The following PCTP variants were observed in gnomAD, a reference collection of about 807,000 sequenced individuals.
The protein encoded by PCTP is phosphatidylcholine transfer protein, also known as START domain-containing protein 2.
In PCTP, 27 loss-of-function variants were observed where a neutral mutation model predicts 31.0. That is an observed-to-expected ratio of 0.87 (90% confidence interval 0.64 to 1.20). The LOEUF is 1.20. Among genes scored for constraint, PCTP ranks in the 50% most tolerant of loss-of-function variants. The probability of loss-of-function intolerance (pLI) is 0.00; values close to 1 mark genes in which losing one functional copy is unlikely to be tolerated. For missense variants in PCTP, 287 were observed against 268.2 expected, an observed-to-expected ratio of 1.07 and a Z score of -0.49; for synonymous variants, 108 against 101.2, an observed-to-expected ratio of 1.07 and a Z score of -0.40.
At chr17:55,775,987 A>C in intron 5 of PCTP, 48 bp from the exon 6 acceptor site, 1 of 1,609,288 alleles carries the variant, frequency 6.2e-7, no homozygotes, top group Non-Finnish European at 8.5e-7. Flanking sequence ...AAGAATCAAG[A>C]GTGACCACTG....
rs1455015701 is a variant in PCTP, at chr17:55,751,097, C to T, written c.-7C>T. 5.9e-6 allele frequency: 9 copies of T among 1,531,262 alleles called. No homozygotes were observed. Among genetic ancestry groups the T allele is most frequent in the African/African-American group, 1.4e-5 (1 of 72,172 alleles). 94.9% of individuals were successfully genotyped at this position (1,531,262 alleles called of 1,614,324 possible). Reference sequence around the variant, plus strand: ...CCTCCAGGCGGAGGAGCCCGGACTGCGGAAGGATGGAGCTGGCCGCCGGAA... The same window carrying T: ...CCTCCAGGCGGAGGAGCCCGGACTGTGGAAGGATGGAGCTGGCCGCCGGAA... On this transcript the variant is annotated 5_prime_UTR_variant, in exon 1 of 6. Coordinates refer to ENST00000268896, the MANE Select transcript of PCTP (RefSeq NM_021213.4).
chr17:55,845,518 C>T (rs1442871445), downstream of PCTP, among the ~76,000 whole-genome samples: 1 of 152,176 alleles, frequency 6.6e-6, no homozygotes, highest in Non-Finnish European at 1.5e-5. Flanking sequence ...CGAAGAGGGC[C>T]GCCTCGCCTC....
intron 1 of PCTP, among the ~76,000 whole-genome samples, chr17:55,756,222 T>C (rs1910010904): frequency 6.6e-6 from 1 of 152,220 alleles, no homozygotes; most frequent in African/African-American, 2.4e-5. Flanking sequence ...TGAATGAGCT[T>C]CTTGAACATG....
At chr17:55,783,104 C>T (rs1174211799) in intron 2 of PCTP, among the ~76,000 whole-genome samples, 1 of 152,140 alleles carries the variant, frequency 6.6e-6, no homozygotes, top group Non-Finnish European at 1.5e-5. Flanking sequence ...TTGTGTTCCA[C>T]CTAATTTTTA....
downstream of PCTP, among the ~76,000 whole-genome samples, chr17:55,845,324 A>C (rs1011030335): frequency 7.2e-5 from 11 of 151,782 alleles, no homozygotes; most frequent in African/African-American, 2.7e-4. Flanking sequence ...CTAATAATTA[A>C]TGTTTTGGTT....
At chr17:55,799,395 CTT>C (rs71137177) in intron 3 of PCTP, among the ~76,000 whole-genome samples, 10 of 140,512 alleles carry the variant, frequency 7.1e-5, no homozygotes, top group South Asian at 4.5e-4. Flanking sequence ...CTTTTTCTTT[CTT>C]TTTTTTTTTT....
chr17:55,822,211 TG>T lies in PCTP; in HGVS notation c.318-549del, dbSNP rs139533451. Among the ~76,000 whole-genome samples the T allele has an allele frequency of 3.4e-3, 518 of 152,340 alleles. 3 individuals carry two copies. Among genetic ancestry groups the T allele is most frequent in the African/African-American group, 0.012 (492 of 41,568 alleles). ...TAGTTCTCACCAAGGAACATTTGGA[TG>T]AGTTTTGGGAAAATGACTGTGAAGC... On this transcript the variant is annotated intron_variant, in intron 3 of 3. Coordinates refer to the PCTP transcript ENST00000572536.
intron 1 of PCTP, among the ~76,000 whole-genome samples, chr17:55,766,741 T>C (rs1388355139): frequency 6.6e-6 from 1 of 152,178 alleles, no homozygotes; most frequent in Admixed American, 6.5e-5. Context: ...TGTGTCTTTA[T>C]AGCAGCATGA....
rs1263793239 is a variant in PCTP, at chr17:55,767,308, A to G, written c.142-27A>G. On this transcript the variant is annotated intron_variant, in intron 1 of 5. Transcript: ENST00000268896. The stretch of plus-strand genomic sequence containing the variant: ...TTTCTCTCAACTTGGGAACCAATAG[A>G]CATTTCTACCTGTTCTGTTTTTATA... 3 of 1,408,804 alleles carry G rather than the reference A, an allele frequency of 2.1e-6. No homozygotes were observed. In the South Asian group the frequency reaches 3.6e-5, roughly 17 times the overall value. 87.3% of individuals were successfully genotyped at this position (1,408,804 alleles called of 1,614,324 possible).
Position 55,816,379 on chromosome 17 carries a change from T to C in PCTP, c.318-6382T>C, listed in dbSNP as rs1349015931. On this transcript the variant is annotated intron_variant, in intron 3 of 3. Transcript: ENST00000572536. The stretch of plus-strand genomic sequence containing the variant: ...TCATACAAATGGAATCAAGGCTCTC[T>C]TTAAGCATCCTACTATTCTTCTACA... Among the ~76,000 whole-genome samples, 3 of 152,356 alleles carry C rather than the reference T, an allele frequency of 2.0e-5. No homozygotes were observed. In the East Asian group the frequency reaches 5.8e-4, roughly 29 times the overall value.
In PCTP at chr17:55,777,266, A is replaced by T. The variant is rs142459599; in HGVS notation, c.*1166A>T. 11,364 of 985,532 alleles carry T rather than the reference A, an allele frequency of 0.012. 69 individuals are homozygous for T. The highest frequency in any genetic ancestry group is 0.018 in the South Asian group (385 of 21,284). 61.0% of individuals were successfully genotyped at this position (985,532 alleles called of 1,614,324 possible). A position where few individuals can be genotyped will look rare whatever the true frequency, so the allele number is the denominator to read the frequency against. ...CCTTGATTAATAACAGAAATTCAGGATGTAAAGCCACAGAATGGGATTTAT... is the reference window on the plus strand; with the variant it reads ...CCTTGATTAATAACAGAAATTCAGGTTGTAAAGCCACAGAATGGGATTTAT... On this transcript the variant is annotated 3_prime_UTR_variant, in exon 6 of 6. Coordinates refer to ENST00000268896, the MANE Select transcript of PCTP (RefSeq NM_021213.4).
intron 5 of PCTP, 68 bp from the exon 6 acceptor site, chr17:55,775,967 C>T (rs1911305833): frequency 4.4e-6 from 7 of 1,587,814 alleles, no homozygotes; most frequent in Non-Finnish European, 6.0e-6. Flanking sequence ...TTACCTTCTG[C>T]CACATCCCAA....
At chr17:55,809,157 G>GAAAA (rs1912669877) in intron 3 of PCTP, among the ~76,000 whole-genome samples, 1 of 152,068 alleles carries the variant, frequency 6.6e-6, no homozygotes. Flanking sequence ...ATTCTGACAT[G>GAAAA]AAAAAATAAT....
rs188387397 is a variant in PCTP at position 55,816,282 on chromosome 17, A to G, written c.318-6479A>G. Among the ~76,000 whole-genome samples the G allele has an allele frequency of 4.1e-4, 63 of 152,354 alleles. No individual in the cohort carries two copies. The Middle Eastern group carries it at 0.014, about 33-fold the overall frequency. On this transcript the variant is annotated intron_variant, in intron 3 of 3. Transcript: ENST00000572536. ...CCAATCCTCCTGTCTTCCCAGGTCT[A>G]GGAAACCACTAATGTAATTTTTGAC...
chr17:55,792,504 C>G (rs550310469), intron 3 of PCTP, among the ~76,000 whole-genome samples: 16 of 152,146 alleles, frequency 1.1e-4, no homozygotes, highest in African/African-American at 3.9e-4. Context: ...TCTCACATAA[C>G]TTACCATTAG....
chr17:55,774,952 A>G, intron 5 of PCTP, 93 bp downstream of exon 5: 2 of 1,353,656 alleles, frequency 1.5e-6, no homozygotes, highest in Non-Finnish European at 2.1e-6. Context: ...CTGAAGAGAC[A>G]CATTGTCTCA....
At chr17:55,791,866 T>C (rs1237258383) in intron 3 of PCTP, among the ~76,000 whole-genome samples, 3 of 152,122 alleles carry the variant, frequency 2.0e-5, no homozygotes, top group African/African-American at 4.8e-5. Flanking sequence ...CATATGTTTA[T>C]TGTGGCATTA....
At chr17:55,764,007 C>G (rs1006743660) in intron 1 of PCTP, among the ~76,000 whole-genome samples, 23 of 152,188 alleles carry the variant, frequency 1.5e-4, no homozygotes, top group African/African-American at 5.6e-4. Flanking sequence ...GAAGTTGTCG[C>G]AATCGTTCAT....
chr17:55,819,034 A>AG (rs1281052371), intron 3 of PCTP, among the ~76,000 whole-genome samples: 53 of 148,696 alleles, frequency 3.6e-4, no homozygotes, highest in Non-Finnish European at 7.3e-4. Flanking sequence ...AAAAAAAAAA[A>AG]AAAGAAAAGG....
Sources: allele counts gnomAD v4.1 joint callset (sites outside exome capture counted in the v4.1 genomes callset), GRCh38; gene constraint gnomAD v4.1.1; transcripts MANE v1.5; gene names NCBI Gene and HGNC (gene_info 2026-07-23, HGNC 2026-07-21).